Variants in HELZ observed in about 807,000 individuals in gnomAD.
HELZ encodes the protein helicase with zinc finger, also known as ATP-dependent RNA helicase with zinc finger domain.
HELZ carries 23 observed loss-of-function variants against 218.2 expected under a neutral mutation model. The observed-to-expected ratio is 0.11, with a 90% confidence interval of 0.08 to 0.15. HELZ has a LOEUF of 0.15. Ranked by LOEUF, HELZ falls within the 10% of genes least tolerant of loss-of-function variation. The pLI is 1.00. For missense variants in HELZ, 1,813 were observed against 2,353.7 expected, an observed-to-expected ratio of 0.77 and a Z score of 4.75; for synonymous variants, 814 against 829.4, an observed-to-expected ratio of 0.98 and a Z score of 0.32.
intron 32 of HELZ, among the ~76,000 whole-genome samples, chr17:67,084,721 A>G (rs904259141): frequency 2.0e-5 from 3 of 152,208 alleles, no homozygotes; most frequent in Non-Finnish European, 4.4e-5. Context: ...TAAAAAAATT[A>G]TAATAAACAA....
At chr17:67,232,831 A>C (rs1428564158) in intron 3 of HELZ, among the ~76,000 whole-genome samples, 1 of 152,208 alleles carries the variant, frequency 6.6e-6, no homozygotes, top group African/African-American at 2.4e-5. Flanking sequence ...AAAAACTTTT[A>C]ATTAAAAAAT....
At chr17:67,117,526 T>A (rs2037462916) in intron 27 of HELZ, among the ~76,000 whole-genome samples, 1 of 151,994 alleles carries the variant, frequency 6.6e-6, no homozygotes, top group Admixed American at 6.6e-5. Context: ...TAACAAAATA[T>A]GTGCAAAGAC....
At chr17:67,237,810 GAACCCCCATCTCCAGTA>G (rs1555630283) in intron 3 of HELZ, among the ~76,000 whole-genome samples, 1 of 151,320 alleles carries the variant, frequency 6.6e-6, no homozygotes, top group Non-Finnish European at 1.5e-5. Context: ...CCAACATGGT[GAACCCCCATCTCCAGTA>G]AAAATACAAA....
At chr17:67,210,322 T>C (rs1407138592) in intron 5 of HELZ, among the ~76,000 whole-genome samples, 1 of 152,230 alleles carries the variant, frequency 6.6e-6, no homozygotes, top group African/African-American at 2.4e-5. Context: ...CGCCTATCAA[T>C]TTGCCTTTTC....
chr17:67,169,357 G>T (rs1010371358), intron 13 of HELZ, among the ~76,000 whole-genome samples: 2 of 152,122 alleles, frequency 1.3e-5, no homozygotes, highest in Non-Finnish European at 2.9e-5. Context: ...CAAGGGGCTG[G>T]CATATGGTGA....
Position 67,125,002 on chromosome 17 carries a change from C to CT in HELZ, c.3388-989dup, listed in dbSNP as rs142201824. Among the ~76,000 whole-genome samples, 875 of 148,684 alleles carry CT rather than the reference C, an allele frequency of 5.9e-3. 10 individuals carry two copies. Among genetic ancestry groups the CT allele is most frequent in the African/African-American group, 0.019 (788 of 40,474 alleles). ...TAAATTTGTAAATTACATCTGAAAA[C>CT]TAAAGAGGGGATTATGTCTACAGCA... On this transcript the variant is annotated intron_variant, in intron 24 of 32. Transcript: ENST00000358691.
intron 17 of HELZ, among the ~76,000 whole-genome samples, chr17:67,156,931 A>G (rs2038860360): frequency 6.6e-6 from 1 of 152,174 alleles, no homozygotes; most frequent in Non-Finnish European, 1.5e-5. Context: ...TGTCTGAATC[A>G]TGGCGGCAGA....
At chr17:67,205,312 G>A (rs1376490339) in intron 5 of HELZ, among the ~76,000 whole-genome samples, 1 of 150,908 alleles carries the variant, frequency 6.6e-6, no homozygotes, top group Non-Finnish European at 1.5e-5. Flanking sequence ...GGGGACAAGA[G>A]CGAAACTGTC....
At chr17:67,092,695 G>A (rs1287926356) in intron 31 of HELZ, among the ~76,000 whole-genome samples, 1 of 152,270 alleles carries the variant, frequency 6.6e-6, no homozygotes, top group African/African-American at 2.4e-5. Flanking sequence ...GCCAGGCGCA[G>A]TGGTTCACGC....
At chr17:67,101,843 G>A (rs1272783786) in intron 31 of HELZ, among the ~76,000 whole-genome samples, 3 of 152,216 alleles carry the variant, frequency 2.0e-5, no homozygotes, top group Non-Finnish European at 4.4e-5. Flanking sequence ...TAGAGAAAAT[G>A]TAAACACTAA....
Position 67,195,461 on chromosome 17 carries a change from T to G in HELZ, c.439A>C (p.Ser147Arg). Reference protein sequence around the residue: ...TLLSETETATSNALSGYHVED... With the variant: ...TLLSETETATRNALSGYHVED... The stretch of plus-strand genomic sequence containing the variant: ...ACGTGATATCCAGAGAGGGCGTTAC[T>G]AGTTGCTGTCTGCAATTTTCCAAAT... Residue 147 changes from serine (S) to arginine (R), a missense_variant, in exon 8 of 33, where the codon AGT becomes CGT. Coordinates refer to ENST00000358691, the MANE Select transcript of HELZ (RefSeq NM_014877.4). 1 of 1,601,322 alleles carries G rather than the reference T, an allele frequency of 6.2e-7. No homozygotes were observed. Among genetic ancestry groups the G allele is most frequent in the Non-Finnish European group, 8.6e-7 (1 of 1,168,558 alleles).
intron 3 of HELZ, among the ~76,000 whole-genome samples, chr17:67,234,057 A>G (rs1467169028): frequency 1.3e-5 from 2 of 150,900 alleles, no homozygotes; most frequent in African/African-American, 2.4e-5. Flanking sequence ...AAAAAAAAAA[A>G]AAAGAGAGAG....
intron 32 of HELZ, among the ~76,000 whole-genome samples, 196 bp downstream of exon 32, chr17:67,086,633 T>TATAAATATAAATATAA (rs1162931301): frequency 5.5e-5 from 4 of 72,988 alleles, no homozygotes; most frequent in African/African-American, 1.9e-4. Flanking sequence ...TAAATATAAA[T>TATAAATATAAATATAA]ATATATATAT....
chr17:67,150,806 A>G (rs1208814776), intron 18 of HELZ, among the ~76,000 whole-genome samples: 3 of 152,232 alleles, frequency 2.0e-5, no homozygotes, highest in Admixed American at 2.0e-4. Context: ...AGAGCCAAAC[A>G]GTATATATTT....
At position 67,077,520 on chromosome 17, in the gene HELZ, T is replaced by A. The variant is rs1156313993; in HGVS notation, c.*732A>T. 1 of 152,336 alleles carries A rather than the reference T, an allele frequency of 6.6e-6. No homozygotes were observed. Among genetic ancestry groups the A allele is most frequent in the East Asian group, 1.9e-4 (1 of 5,202 alleles). 9.4% of individuals were successfully genotyped at this position (152,336 alleles called of 1,614,324 possible). A position where few individuals can be genotyped will look rare whatever the true frequency, so the allele number is the denominator to read the frequency against. Reference sequence around the variant, plus strand: ...AAAACACACACTATCAAATTAACATTAAAAACAAGCTTGAAGTGTAGCTTG... The same window carrying A: ...AAAACACACACTATCAAATTAACATAAAAAACAAGCTTGAAGTGTAGCTTG... On this transcript the variant is annotated 3_prime_UTR_variant, in exon 33 of 33. Coordinates refer to ENST00000358691, the MANE Select transcript of HELZ (RefSeq NM_014877.4).
At chr17:67,234,334 C>G (rs1046484614) in intron 3 of HELZ, among the ~76,000 whole-genome samples, 3 of 148,002 alleles carry the variant, frequency 2.0e-5, no homozygotes, top group African/African-American at 7.6e-5. Context: ...AAAAAAAACA[C>G]AGAGATACAG....
rs1410329677 is a variant in HELZ, at chr17:67,188,427, C to T, written c.1054G>A (p.Ala352Thr). ...GTTCCAAATATTTCTGTGTTAAATG[C>T]TATCCCGACTTTATACACGTAATGA... is the stretch of plus-strand genomic sequence containing the variant. Reference protein sequence around the residue: ...LDHYVYKVGIAFNTEIFGTFR... With the variant: ...LDHYVYKVGITFNTEIFGTFR... The change falls in exon 12 of 33, where the codon GCA becomes ACA. Residue 352 changes from alanine (A) to threonine (T), a missense_variant. By Grantham distance (58) the Ala-to-Thr change is moderately conservative. This residue lies in a region of HELZ where 714 missense variants were observed against 1,029.2 expected (regional missense o/e 0.69). Transcript: ENST00000358691. This position sits in a 1 kb window ranked among gnomAD's most constrained non-coding sequence, Gnocchi z 4.1. 1 of 1,613,948 alleles carries T rather than the reference C, an allele frequency of 6.2e-7. No homozygotes were observed. Among genetic ancestry groups the T allele is most frequent in the Non-Finnish European group, 8.5e-7 (1 of 1,179,860 alleles).
At chr17:67,139,035 G>A (rs1302829580) in intron 21 of HELZ, among the ~76,000 whole-genome samples, 3 of 151,966 alleles carry the variant, frequency 2.0e-5, no homozygotes, top group Non-Finnish European at 4.4e-5. Context: ...GAGGAAGGAG[G>A]TGTGTTTTCA....
intron 31 of HELZ, among the ~76,000 whole-genome samples, chr17:67,089,175 C>T (rs1157645478): frequency 2.6e-5 from 4 of 152,138 alleles, no homozygotes; most frequent in Non-Finnish European, 5.9e-5. Flanking sequence ...TTATGATAAC[C>T]ATGTCTCCTG....
Sources: gnomAD v4.1 joint callset for allele counts (sites outside exome capture counted in the v4.1 genomes callset) on GRCh38, gnomAD v4.1.1 for gene constraint, gnomAD v4.1.1 regional missense constraint, Gnocchi (gnomAD v3.1) non-coding constraint, MANE v1.5 for transcripts, NCBI Gene and HGNC (gene_info 2026-07-23, HGNC 2026-07-21) for gene names.